ZNF570: variants seen among roughly 807,000 people sequenced by gnomAD.
The protein encoded by ZNF570 is zinc finger protein 570.
In ZNF570, 8 loss-of-function variants were observed where a neutral mutation model predicts 14.2. The observed-to-expected ratio is 0.56, with a 90% CI of 0.33 to 1.02. ZNF570 has a LOEUF of 1.02. Among genes scored for constraint, ZNF570 ranks in the 50% least tolerant of loss-of-function variants. ZNF570 has a pLI of 0.03. For synonymous variants in ZNF570, 202 were observed against 207.6 expected (o/e 0.97, Z 0.23); for missense variants, 559 against 624.9 (o/e 0.89, Z 1.12).
intron 4 of ZNF570, among the ~76,000 whole-genome samples, chr19:37,479,952 G>A (rs1459504663): frequency 6.6e-6 from 1 of 152,050 alleles, no homozygotes; most frequent in East Asian, 1.9e-4. Context: ...AATGATGGTG[G>A]TGGTCAGTTA....
chr19:37,477,325 GT>G, intron 4 of ZNF570, among the ~76,000 whole-genome samples: 1 of 149,456 alleles, frequency 6.7e-6, no homozygotes, highest in Admixed American at 6.7e-5. Flanking sequence ...GTGTGTGTGT[GT>G]GTGTGTATTT....
rs764609936 is a variant in ZNF570 at position 37,471,009 on chromosome 19, A to ATTTTTTTTTTT, written c.33+632_33+642dup. 5.0e-3 allele frequency among the ~76,000 whole-genome samples: 425 copies of ATTTTTTTTTTT among 84,380 alleles called. 28 individuals carry two copies. The highest frequency in any genetic ancestry group is 0.011 in the African/African-American group (199 of 17,354). 55.4% of individuals were successfully genotyped at this position (84,380 alleles called of 152,430 possible). ...GCTACCATGCCTGGCCAGTGAGTAC[A>ATTTTTTTTTTT]TTTTTTTTTTTTTTTTTTTTGTTGA... is the stretch of plus-strand genomic sequence containing the variant. On this transcript the variant is annotated intron_variant, in intron 2 of 4. Coordinates refer to ENST00000330173, the MANE Select transcript of ZNF570 (RefSeq NM_144694.5).
At chr19:37,474,137 G>T (rs2147007125) in intron 2 of ZNF570, among the ~76,000 whole-genome samples, 1 of 152,318 alleles carries the variant, frequency 6.6e-6, no homozygotes, top group East Asian at 1.9e-4. Context: ...TTTTGCTTCA[G>T]ACTGGTTTAA....
chr19:37,475,118 C>A (rs527734017), intron 2 of ZNF570, among the ~76,000 whole-genome samples: 22 of 151,904 alleles, frequency 1.4e-4, no homozygotes, highest in Admixed American at 3.9e-4. Flanking sequence ...CATGTGCCAC[C>A]ACACCTGGCT....
intron 4 of ZNF570, 126 bp downstream of exon 4, chr19:37,476,560 G>T: frequency 1.5e-6 from 2 of 1,342,830 alleles, no homozygotes; most frequent in South Asian, 2.2e-5. Flanking sequence ...ATAAAAATTT[G>T]GGGCCATTTA....
chr19:37,468,046 T>A, upstream of ZNF570: 1 of 928,692 alleles, frequency 1.1e-6, no homozygotes, highest in Non-Finnish European at 1.6e-6. Flanking sequence ...TCAGACTAGG[T>A]ACTTAACTTC....
chr19:37,479,192 T>G (rs924034918), intron 4 of ZNF570, among the ~76,000 whole-genome samples: 2 of 142,060 alleles, frequency 1.4e-5, no homozygotes, highest in African/African-American at 4.9e-5. Context: ...TAGGGTATTT[T>G]TTTCTAAATA....
chr19:37,479,634 C>A (rs1247737648), intron 4 of ZNF570, among the ~76,000 whole-genome samples: 1 of 151,882 alleles, frequency 6.6e-6, no homozygotes, highest in Admixed American at 6.5e-5. Flanking sequence ...AAATTTTTTT[C>A]TTGTAATTGT....
chr19:37,474,136 A>G (rs2041999015), intron 2 of ZNF570, among the ~76,000 whole-genome samples: 1 of 152,258 alleles, frequency 6.6e-6, no homozygotes, highest in African/African-American at 2.4e-5. Context: ...GTTTTGCTTC[A>G]GACTGGTTTA....
At position 37,484,986 on chromosome 19, in the gene ZNF570, C is replaced by T. The variant is rs146441354; in HGVS notation, c.1364C>T (p.Ser455Leu). The change falls in exon 5 of 5, where the codon TCG becomes TTG. Residue 455 changes from serine to leucine, a missense_variant. By Grantham distance (145) the Ser-to-Leu change is moderately radical. Coordinates refer to ENST00000330173, the MANE Select transcript of ZNF570 (RefSeq NM_144694.5). Reference protein sequence around the residue: ...IECGKAFSNDSSLTQHQRVHT... With the variant: ...IECGKAFSNDLSLTQHQRVHT... ...TGTGGGAAGGCTTTTAGCAATGACT[C>T]GTCCCTTACTCAACATCAGCGAGTT... The T allele has an allele frequency of 1.3e-5, 21 of 1,613,956 alleles. No individual in the cohort carries two copies. Among genetic ancestry groups the T allele is most frequent in the African/African-American group, 5.3e-5 (4 of 74,918 alleles).
At chr19:37,472,944 C>CT (rs1385588177) in intron 2 of ZNF570, among the ~76,000 whole-genome samples, 1 of 152,100 alleles carries the variant, frequency 6.6e-6, no homozygotes, top group African/African-American at 2.4e-5. Flanking sequence ...AGTGTTTGGC[C>CT]TTTTCTAGGA....
At position 37,487,628 on chromosome 19, in the gene ZNF570, CAATAT is replaced by C. The variant is rs980528063; in HGVS notation, c.*2400_*2404del. Reference sequence around the variant, plus strand: ...TTATATAGCCTAGACTGCAGAGACTCAATATAATAAAGTTGGCGATTCTTCCTAAT... The same window carrying C: ...TTATATAGCCTAGACTGCAGAGACTCAATAAAGTTGGCGATTCTTCCTAAT... On this transcript the variant is annotated 3_prime_UTR_variant, in exon 5 of 5. Transcript: ENST00000330173. 3 of 152,158 alleles carry C rather than the reference CAATAT, an allele frequency of 2.0e-5. No homozygotes were observed. Among genetic ancestry groups the C allele is most frequent in the African/African-American group, 7.2e-5 (3 of 41,452 alleles). 9.4% of individuals were successfully genotyped at this position (152,158 alleles called of 1,614,324 possible).
chr19:37,481,995 A>C (rs1274635633), intron 4 of ZNF570, among the ~76,000 whole-genome samples: 1 of 152,196 alleles, frequency 6.6e-6, no homozygotes, highest in Non-Finnish European at 1.5e-5. Context: ...TTGCCAGACT[A>C]CTTTAGGTAC....
chr19:37,474,972 T>TG (rs960327229), intron 2 of ZNF570, among the ~76,000 whole-genome samples: 23 of 151,354 alleles, frequency 1.5e-4, no homozygotes, highest in African/African-American at 5.6e-4. Flanking sequence ...TTTTTGTTTT[T>TG]TTTTTTTTTG....
At chr19:37,478,800 T>C (rs2042055287) in intron 4 of ZNF570, among the ~76,000 whole-genome samples, 1 of 151,420 alleles carries the variant, frequency 6.6e-6, no homozygotes, top group Non-Finnish European at 1.5e-5. Flanking sequence ...TTTCACATCT[T>C]AATGTGGTAA....
At chr19:37,476,928 A>C (rs949951063) in intron 4 of ZNF570, among the ~76,000 whole-genome samples, 5 of 151,704 alleles carry the variant, frequency 3.3e-5, no homozygotes, top group African/African-American at 1.2e-4. Context: ...CTGGTCTCAA[A>C]CTCCTGACCT....
At chr19:37,469,748 G>C in intron 1 of ZNF570, 191 bp downstream of exon 1, 3 of 644,978 alleles carry the variant, frequency 4.7e-6, no homozygotes, top group Non-Finnish European at 5.4e-6. Context: ...ATTGTCGCTT[G>C]TGATAGATAC....
At chr19:37,483,104 A>C (rs1250863170) in intron 4 of ZNF570, among the ~76,000 whole-genome samples, 1 of 152,114 alleles carries the variant, frequency 6.6e-6, no homozygotes, top group Non-Finnish European at 1.5e-5. Flanking sequence ...TGAAGCTTAA[A>C]TAATCTCATT....
chr19:37,475,223 C>CAT (rs1196911766), intron 2 of ZNF570, among the ~76,000 whole-genome samples: 1 of 152,058 alleles, frequency 6.6e-6, no homozygotes, highest in African/African-American at 2.4e-5. Context: ...CTTGGCCTCC[C>CAT]AAAGTGCTGG....
Sources: gnomAD v4.1 joint callset for allele counts (sites outside exome capture counted in the v4.1 genomes callset) on GRCh38, gnomAD v4.1.1 for gene constraint, MANE v1.5 for transcripts, NCBI Gene and HGNC (gene_info 2026-07-23, HGNC 2026-07-21) for gene names.